The following PEAK1 variants were observed in gnomAD, a reference collection of about 807,000 sequenced individuals.
The protein encoded by PEAK1 is inactive tyrosine-protein kinase PEAK1.
A neutral mutation model predicts 124.7 loss-of-function variants in PEAK1; 54 were observed. That is an observed-to-expected ratio of 0.43 (90% confidence interval 0.35 to 0.54). The LOEUF is 0.54. Among genes scored for constraint, PEAK1 ranks in the 20% least tolerant of loss-of-function variants. PEAK1 has a pLI of 0.01. For synonymous variants in PEAK1, 719 were observed against 760.0 expected (o/e 0.95, Z 0.89); for missense variants, 2,046 against 2,134.5 (o/e 0.96, Z 0.82).
intron 1 of PEAK1, among the ~76,000 whole-genome samples, chr15:77,384,534 C>T (rs2069761153): frequency 1.3e-5 from 2 of 152,176 alleles, no homozygotes. Context: ...ATACATTATG[C>T]ATTACTCTAT....
intron 2 of PEAK1, chr15:77,333,855 C>T: frequency 1.8e-6 from 1 of 563,638 alleles, no homozygotes; most frequent in Non-Finnish European, 2.2e-6. Flanking sequence ...CTTCATAATG[C>T]TACTCCTTCA....
chr15:77,369,279 A>T (rs564768428), intron 1 of PEAK1, among the ~76,000 whole-genome samples: 1 of 152,214 alleles, frequency 6.6e-6, no homozygotes, highest in South Asian at 2.1e-4. Flanking sequence ...AGACAGCACA[A>T]ACCCAAAACA....
intron 1 of PEAK1, among the ~76,000 whole-genome samples, chr15:77,379,110 G>A (rs899405539): frequency 1.3e-5 from 2 of 152,062 alleles, no homozygotes; most frequent in African/African-American, 4.8e-5. Flanking sequence ...TGTTCACTTA[G>A]GTAACAAGAA....
At chr15:77,367,082 C>T (rs1439965998) in intron 1 of PEAK1, among the ~76,000 whole-genome samples, 2 of 152,026 alleles carry the variant, frequency 1.3e-5, no homozygotes, top group African/African-American at 2.4e-5. Flanking sequence ...TGCAGTGAGC[C>T]GAGATCATGC....
rs908444373 is a variant in PEAK1 at position 77,181,261 on chromosome 15, C to G, written c.666G>C (p.Gly222=). Residue 222 remains glycine, a synonymous_variant, in exon 7 of 10, where the codon GGG becomes GGC. Coordinates refer to ENST00000682557, the MANE Select transcript of PEAK1 (RefSeq NM_001385026.1). ...AAAACTCTGGGTAACAGAACCGGCC[C>G]CCTTCATTACTAATCACTTCTGTGC... is the stretch of plus-strand genomic sequence containing the variant. The part of the protein sequence containing the change: ...SGSTEVISNE[G]GRFCYPEFSS... The G allele has an allele frequency of 1.2e-6, 2 of 1,613,786 alleles. No individual in the cohort carries two copies. Among genetic ancestry groups the G allele is most frequent in the African/African-American group, 1.3e-5 (1 of 74,910 alleles).
downstream of PEAK1, chr15:77,107,542 CAT>C (rs2050768525): frequency 6.6e-6 from 1 of 152,254 alleles, no homozygotes; most frequent in South Asian, 2.1e-4. Flanking sequence ...TTAGGATCTA[CAT>C]GTTTGCCTTT....
intron 6 of PEAK1, among the ~76,000 whole-genome samples, chr15:77,207,526 G>C (rs752755738): frequency 3.9e-5 from 6 of 152,156 alleles, no homozygotes; most frequent in Admixed American, 1.3e-4. Context: ...CAAAGACATA[G>C]AAGAACCTTG....
At chr15:77,356,539 G>A (rs1003951561) in intron 2 of PEAK1, among the ~76,000 whole-genome samples, 3 of 152,098 alleles carry the variant, frequency 2.0e-5, no homozygotes. Flanking sequence ...TCTTGCATAC[G>A]CATAAGAGAT....
intron 7 of PEAK1, among the ~76,000 whole-genome samples, chr15:77,171,206 T>C (rs1176807947): frequency 6.6e-6 from 1 of 152,228 alleles, no homozygotes; most frequent in African/African-American, 2.4e-5. Flanking sequence ...GTCTCAGCAC[T>C]TCTCAAACTT....
intron 7 of PEAK1, among the ~76,000 whole-genome samples, chr15:77,164,644 G>C (rs2055941107): frequency 6.6e-6 from 1 of 152,146 alleles, no homozygotes; most frequent in South Asian, 2.1e-4. Context: ...TACAAAGTCA[G>C]AATGGCATCT....
intron 6 of PEAK1, among the ~76,000 whole-genome samples, chr15:77,196,952 G>T (rs914321539): frequency 2.0e-4 from 31 of 152,018 alleles, no homozygotes; most frequent in African/African-American, 7.5e-4. Flanking sequence ...CCAGGGTCAG[G>T]TGATCCTCTC....
chr15:77,257,822 T>C (rs1328901117), intron 5 of PEAK1, among the ~76,000 whole-genome samples: 1 of 125,850 alleles, frequency 7.9e-6, no homozygotes, highest in Non-Finnish European at 1.9e-5. Context: ...TCCTGAATGG[T>C]AAGGCCTAGG....
At chr15:77,351,392 A>G (rs2067200580) in intron 2 of PEAK1, among the ~76,000 whole-genome samples, 1 of 152,204 alleles carries the variant, frequency 6.6e-6, no homozygotes, top group African/African-American at 2.4e-5. Context: ...GATCAGAATG[A>G]GGCAGGAAAA....
intron 5 of PEAK1, among the ~76,000 whole-genome samples, chr15:77,262,448 G>C (rs537125281): frequency 2.6e-4 from 40 of 151,094 alleles, no homozygotes; most frequent in Middle Eastern, 3.4e-3. Flanking sequence ...AAAAAGGCAG[G>C]GGTTGCAATC....
chr15:77,403,808 A>G, intron 1 of PEAK1: 1 of 981,130 alleles, frequency 1.0e-6, no homozygotes, highest in African/African-American at 1.7e-5. Context: ...AAAAAAGCTT[A>G]TTCAATTCTA....
chr15:77,106,970 C>T (rs868276043), downstream of PEAK1: 6 of 152,340 alleles, frequency 3.9e-5, no homozygotes, highest in Admixed American at 3.3e-4. Context: ...GCCCCTTCAG[C>T]TTTTAATATT....
At chr15:77,354,666 A>C (rs2067398488) in intron 2 of PEAK1, among the ~76,000 whole-genome samples, 1 of 152,196 alleles carries the variant, frequency 6.6e-6, no homozygotes, top group Non-Finnish European at 1.5e-5. Context: ...ATGAATACAT[A>C]GTTTTCTCTC....
At chr15:77,285,375 A>T (rs186790369) in intron 3 of PEAK1, among the ~76,000 whole-genome samples, 64 of 152,230 alleles carry the variant, frequency 4.2e-4, no homozygotes, top group South Asian at 8.3e-4. Flanking sequence ...CCCCCTTTTT[A>T]CTTCATCAGA....
chr15:77,218,514 C>A (rs1288777142), intron 6 of PEAK1, among the ~76,000 whole-genome samples: 2 of 151,600 alleles, frequency 1.3e-5, no homozygotes, highest in African/African-American at 4.8e-5. Flanking sequence ...AGTTAGCTAA[C>A]ATTTTGTTAA....
Sources: allele counts gnomAD v4.1 joint callset (sites outside exome capture counted in the v4.1 genomes callset), GRCh38; gene constraint gnomAD v4.1.1; transcripts MANE v1.5; gene names NCBI Gene and HGNC (gene_info 2026-07-23, HGNC 2026-07-21).